The following DMGDH variants were observed in gnomAD, a reference collection of about 807,000 sequenced individuals.
DMGDH encodes dimethylglycine dehydrogenase, mitochondrial.
In DMGDH, 76 loss-of-function variants were observed where a neutral mutation model predicts 95.2. That is an observed-to-expected ratio of 0.80 (90% confidence interval 0.66 to 0.97). The LOEUF (loss-of-function observed/expected upper bound fraction) is 0.97, where lower values mean the gene tolerates loss of function less well. Among genes scored for constraint, DMGDH ranks in the 50% least tolerant of loss-of-function variants. DMGDH has a pLI of 0.00. For missense variants in DMGDH, 987 were observed against 1,055.0 expected, an observed-to-expected ratio of 0.94 and a Z score of 0.89; for synonymous variants, 345 against 377.6, an observed-to-expected ratio of 0.91 and a Z score of 1.00.
Position 79,063,644 on chromosome 5 carries a change from G to C in DMGDH, c.245C>G (p.Ser82Ter), listed in dbSNP as rs1432914482. 1.9e-6 allele frequency: 3 copies of C among 1,614,184 alleles called. No individual in the cohort carries two copies. Among genetic ancestry groups the C allele is most frequent in the Non-Finnish European group, 1.7e-6 (2 of 1,180,030 alleles). Residue 82 changes from serine to a stop codon, truncating the protein, a stop_gained, in exon 2 of 16, where the codon TCA (serine) becomes TGA (stop). Coordinates refer to ENST00000255189, the MANE Select transcript of DMGDH (RefSeq NM_013391.3). LOFTEE classifies it high-confidence loss of function. ...CCAGGTAGATCCAGCCGTGAGCTCT[G>C]ATTTCTCCAGCAGGACCACATCTTT... ...GMKDVVLLEK[S>*]ELTAGSTWHA...
At chr5:79,060,474 C>T (rs548557871) in intron 2 of DMGDH, among the ~76,000 whole-genome samples, 10 of 152,218 alleles carry the variant, frequency 6.6e-5, no homozygotes, top group Non-Finnish European at 1.3e-4. Flanking sequence ...CCTCTCCAAG[C>T]ATTTGATTCC....
chr5:79,020,670 T>C (rs115144266), intron 14 of DMGDH: 1 of 976,966 alleles, frequency 1.0e-6, no homozygotes, highest in Non-Finnish European at 1.2e-6. Flanking sequence ...TTATAACTTA[T>C]GTTTAATAGA....
chr5:79,033,458 A>G, intron 7 of DMGDH, 50 bp from the exon 8 acceptor site: 1 of 1,601,500 alleles, frequency 6.2e-7, no homozygotes, highest in Non-Finnish European at 8.5e-7. Context: ...GTAGTTTTCA[A>G]ATGAAACATA....
intron 1 of DMGDH, among the ~76,000 whole-genome samples, chr5:79,067,401 C>CT (rs1159520110): frequency 6.6e-6 from 1 of 152,140 alleles, no homozygotes; most frequent in Non-Finnish European, 1.5e-5. Flanking sequence ...CTTAAAGGTT[C>CT]TTTTTTGTGT....
intron 1 of DMGDH, among the ~76,000 whole-genome samples, chr5:79,066,622 T>C (rs1166494623): frequency 6.6e-6 from 1 of 152,102 alleles, no homozygotes. Context: ...TATAGAACAG[T>C]TCTTACTGTG....
intron 3 of DMGDH, among the ~76,000 whole-genome samples, 186 bp from the exon 4 acceptor site, chr5:79,054,534 G>A (rs1754965625): frequency 6.6e-6 from 1 of 152,176 alleles, no homozygotes; most frequent in South Asian, 2.1e-4. Flanking sequence ...TTTACTAAGT[G>A]CCTGTTCGGA....
intron 4 of DMGDH, among the ~76,000 whole-genome samples, chr5:79,052,236 A>G (rs530899341): frequency 1.3e-5 from 2 of 152,138 alleles, no homozygotes; most frequent in Non-Finnish European, 2.9e-5. Context: ...GGATTTTTGT[A>G]TCTATGTTCA....
intron 14 of DMGDH, among the ~76,000 whole-genome samples, chr5:79,023,073 G>C (rs1039955337): frequency 2.6e-5 from 4 of 152,106 alleles, no homozygotes; most frequent in African/African-American, 4.8e-5. Context: ...CCCTTTAGGA[G>C]GTTCGTTTTC....
intron 15 of DMGDH, among the ~76,000 whole-genome samples, chr5:79,002,003 C>T (rs1753461136): frequency 6.6e-6 from 1 of 152,188 alleles, no homozygotes; most frequent in South Asian, 2.1e-4. Flanking sequence ...CCACCCTCTG[C>T]CTGGCAAATT....
intron 10 of DMGDH, 103 bp from the exon 11 acceptor site, chr5:79,030,137 T>A: frequency 2.0e-6 from 2 of 1,000,550 alleles, no homozygotes; most frequent in South Asian, 1.6e-5. Context: ...ATGAAAAGTA[T>A]CTGAATCTTA....
At chr5:79,054,620 A>T (rs1754968645) in intron 3 of DMGDH, among the ~76,000 whole-genome samples, 1 of 152,196 alleles carries the variant, frequency 6.6e-6, no homozygotes, top group South Asian at 2.1e-4. Flanking sequence ...TGGAATTTAT[A>T]CCCCACAGTT....
chr5:79,026,447 C>G lies in DMGDH; in HGVS notation c.2167G>C (p.Ala723Pro). The change falls in exon 13 of 16, where the codon GCC (alanine) becomes CCC (proline). Residue 723 changes from alanine (A) to proline (P), a missense_variant. By Grantham distance (27) the Ala-to-Pro change is conservative. Coordinates refer to ENST00000255189, the MANE Select transcript of DMGDH (RefSeq NM_013391.3). ...YAMNALRLEK[A>P]FRAWGLEMNC... is the part of the protein sequence containing the mutation. ...ACCTCTAACCCCCAGGCTCTGAAGG[C>G]TTTCTCCAGGCGTAAGGCATTCATG... 2 of 1,614,158 alleles carry G rather than the reference C, an allele frequency of 1.2e-6. No homozygotes were observed. The highest frequency in any genetic ancestry group is 1.7e-6 in the Non-Finnish European group (2 of 1,180,010).
chr5:79,068,227 A>T lies in DMGDH; in HGVS notation c.101+1293T>A, dbSNP rs545980118. ...GCCACCACACTCAGCCAAAATATGA[A>T]TTTTTTGGATAGTCTTGAAATTTGT... On this transcript the variant is annotated intron_variant, in intron 1 of 15. Coordinates refer to ENST00000255189, the MANE Select transcript of DMGDH (RefSeq NM_013391.3). Among the ~76,000 whole-genome samples the T allele has an allele frequency of 2.6e-5, 4 of 152,260 alleles. No homozygotes were observed. In the East Asian group the frequency reaches 7.7e-4, roughly 29 times the overall value.
rs1753775490 is a variant in DMGDH at position 79,018,134 on chromosome 5, A to C, written c.2250+6137T>G. On this transcript the variant is annotated intron_variant, in intron 14 of 15. Coordinates refer to ENST00000255189, the MANE Select transcript of DMGDH (RefSeq NM_013391.3). ...ACAAACATGACTCACTGCAGCCTTG[A>C]CCTCCCAGGCTCAAGCAGTCCTCCT... Among the ~76,000 whole-genome samples, 4 of 152,144 alleles carry C rather than the reference A, an allele frequency of 2.6e-5. No homozygotes were observed. In the South Asian group the frequency reaches 8.3e-4, roughly 32 times the overall value.
intron 7 of DMGDH, among the ~76,000 whole-genome samples, chr5:79,037,799 A>G (rs1010152835): frequency 3.9e-5 from 6 of 152,214 alleles, no homozygotes; most frequent in African/African-American, 1.4e-4. Flanking sequence ...CTCAATTTCT[A>G]TTATTTAATA....
chr5:79,061,260 CACACACAA>C (rs1561231435), intron 2 of DMGDH, among the ~76,000 whole-genome samples: 2 of 130,520 alleles, frequency 1.5e-5, no homozygotes, highest in Admixed American at 7.1e-5. Context: ...CACACACACA[CACACACAA>C]ACACCTAATA....
chr5:79,054,094 C>T (rs1176924570), intron 4 of DMGDH, 90 bp downstream of exon 4: 20 of 1,451,044 alleles, frequency 1.4e-5, no homozygotes, highest in Non-Finnish European at 1.5e-5. Context: ...ATGTGTGTAC[C>T]AAGTTTTCTG....
At position 79,042,316 on chromosome 5, in the gene DMGDH, C is replaced by T; in HGVS notation, c.1160G>A (p.Gly387Glu). 1 of 1,614,164 alleles carries T rather than the reference C, an allele frequency of 6.2e-7. No individual in the cohort carries two copies. Among genetic ancestry groups the T allele is most frequent in the Non-Finnish European group, 8.5e-7 (1 of 1,180,034 alleles). ...DILPMVGPHQ[G>E]VRNYWVAIGF... Reference sequence around the variant, plus strand: ...TATAGCCACCCAGTAGTTTCTGACCCCCTGATGGGGCCCCACCATAGGCAG... The same window carrying T: ...TATAGCCACCCAGTAGTTTCTGACCTCCTGATGGGGCCCCACCATAGGCAG... Residue 387 changes from glycine (G) to glutamate (E), a missense_variant, in exon 7 of 16, where the codon GGG (glycine) becomes GAG (glutamate). Coordinates refer to ENST00000255189, the MANE Select transcript of DMGDH (RefSeq NM_013391.3).
At chr5:79,040,962 G>A (rs1754493288) in intron 7 of DMGDH, among the ~76,000 whole-genome samples, 1 of 152,064 alleles carries the variant, frequency 6.6e-6, no homozygotes, top group African/African-American at 2.4e-5. Flanking sequence ...CCCTCTGGAT[G>A]TCCCACATAC....
Sources: gnomAD v4.1 joint callset for allele counts (sites outside exome capture counted in the v4.1 genomes callset) on GRCh38, gnomAD v4.1.1 for gene constraint, MANE v1.5 for transcripts, NCBI Gene and HGNC (gene_info 2026-07-23, HGNC 2026-07-21) for gene names.